Variants in CSMD1 observed in about 807,000 individuals in gnomAD.
CSMD1 encodes the protein CUB and sushi domain-containing protein 1.
A neutral mutation model predicts 417.5 loss-of-function variants in CSMD1; 213 were observed. The ratio of observed to expected loss-of-function variants is 0.51; its 90% CI spans 0.46 to 0.57. The LOEUF is 0.57. Among genes scored for constraint, CSMD1 ranks in the 20% least tolerant of loss-of-function variants. The probability of loss-of-function intolerance (pLI) is 0.00; values close to 1 mark genes in which losing one functional copy is unlikely to be tolerated. For missense variants in CSMD1, 6,923 were observed against 4,529.7 expected (o/e 1.53, Z -15.17); for synonymous variants, 2,862 against 1,736.8 (o/e 1.65, Z -16.11).
intron 50 of CSMD1, among the ~76,000 whole-genome samples, chr8:3,040,220 T>C (rs562380430): frequency 6.6e-6 from 1 of 152,160 alleles, no homozygotes; most frequent in East Asian, 1.9e-4. Flanking sequence ...ATTTCTAATA[T>C]CACCACCAAA....
intron 26 of CSMD1, among the ~76,000 whole-genome samples, chr8:3,255,447 C>G (rs540493669): frequency 6.6e-6 from 1 of 152,230 alleles, no homozygotes; most frequent in Non-Finnish European, 1.5e-5. Context: ...CTTTTGTTGT[C>G]TGTGCCCTGC....
intron 12 of CSMD1, among the ~76,000 whole-genome samples, chr8:3,432,140 A>G (rs1185713688): frequency 6.6e-6 from 1 of 152,232 alleles, no homozygotes; most frequent in African/African-American, 2.4e-5. Flanking sequence ...AAGATGACTC[A>G]GTAGATTGCT....
intron 3 of CSMD1, among the ~76,000 whole-genome samples, chr8:4,255,509 C>T (rs570848239): frequency 6.6e-6 from 1 of 152,288 alleles, no homozygotes; most frequent in South Asian, 2.1e-4. Context: ...TGTGCAATAG[C>T]AGTGGATTAA....
chr8:4,237,922 C>G (rs768557384), intron 3 of CSMD1, among the ~76,000 whole-genome samples: 1 of 152,140 alleles, frequency 6.6e-6, no homozygotes, highest in Non-Finnish European at 1.5e-5. Context: ...TGAAGCTTTC[C>G]TCTCACTGGC....
intron 17 of CSMD1, among the ~76,000 whole-genome samples, chr8:3,395,501 A>T (rs1407629324): frequency 6.6e-6 from 1 of 152,248 alleles, no homozygotes; most frequent in East Asian, 1.9e-4. Flanking sequence ...ACTTAATCTC[A>T]TCATTTCAGA....
At chr8:4,984,982 T>C (rs73497794) in intron 1 of CSMD1, among the ~76,000 whole-genome samples, 2,359 of 152,256 alleles carry the variant, frequency 0.015, 55 homozygotes, top group African/African-American at 0.054. Context: ...ACTCAGAGAT[T>C]CATCCTCTTT....
At chr8:3,010,874 G>C (rs1808333264) in intron 52 of CSMD1, among the ~76,000 whole-genome samples, 1 of 151,686 alleles carries the variant, frequency 6.6e-6, no homozygotes, top group African/African-American at 2.4e-5. Flanking sequence ...TTCCCAAGTA[G>C]CTGGGATTAC....
At position 3,866,320 on chromosome 8, in the gene CSMD1, G is replaced by A. The variant is rs955890133; in HGVS notation, c.819-112278C>T. 4.6e-5 allele frequency among the ~76,000 whole-genome samples: 7 copies of A among 152,298 alleles called. No individual in the cohort carries two copies. The South Asian group carries it at 8.3e-4, about 18-fold the overall frequency. On this transcript the variant is annotated intron_variant, in intron 5 of 69. Transcript: ENST00000635120. ...AGGAAGCTGCTGTAAAAGGCTGGCT[G>A]AACCCTGGGGATTGGCATTTCTGTC...
intron 39 of CSMD1, among the ~76,000 whole-genome samples, chr8:3,157,407 G>A (rs1438024707): frequency 6.6e-6 from 1 of 152,192 alleles, no homozygotes; most frequent in Non-Finnish European, 1.5e-5. Flanking sequence ...AAAGAAGCCG[G>A]CTGATTGTGC....
intron 1 of CSMD1, among the ~76,000 whole-genome samples, chr8:4,644,487 G>C (rs915443699): frequency 2.0e-5 from 3 of 152,210 alleles, no homozygotes; most frequent in African/African-American, 7.2e-5. Flanking sequence ...GCTCACTGCA[G>C]CCTCCACCTC....
chr8:4,472,384 G>C (rs767703871), intron 2 of CSMD1, among the ~76,000 whole-genome samples: 1 of 152,050 alleles, frequency 6.6e-6, no homozygotes, highest in South Asian at 2.1e-4. Flanking sequence ...TGTAGTAACA[G>C]TGCTTCACTG....
chr8:2,947,982 C>G (rs1802366720), intron 68 of CSMD1, among the ~76,000 whole-genome samples: 1 of 149,782 alleles, frequency 6.7e-6, no homozygotes, highest in South Asian at 2.1e-4. Flanking sequence ...ATATTCAGCA[C>G]TTTGATAAAA....
chr8:4,120,290 T>G (rs1251943461), intron 3 of CSMD1, among the ~76,000 whole-genome samples: 1 of 152,178 alleles, frequency 6.6e-6, no homozygotes, highest in African/African-American at 2.4e-5. Context: ...CACCTTTTAT[T>G]ATATATACTT....
At chr8:3,493,389 C>T (rs866062670) in intron 11 of CSMD1, among the ~76,000 whole-genome samples, 1 of 150,110 alleles carries the variant, frequency 6.7e-6, no homozygotes, top group Non-Finnish European at 1.5e-5. Flanking sequence ...TTGCCATAAA[C>T]ATATATGTTT....
rs111337754 is a variant in CSMD1 at position 3,651,384 on chromosome 8, C to T, written c.1010-34587G>A. Among the ~76,000 whole-genome samples, 14 of 152,242 alleles carry T rather than the reference C, an allele frequency of 9.2e-5. 1 individual carries two copies. Among genetic ancestry groups the T allele is most frequent in the African/African-American group, 3.4e-4 (14 of 41,544 alleles). ...AGGTCTTCTGTCTCCTCTTCATTCA[C>T]AATATGGAAGCCATGGCCCTTCATG... On this transcript the variant is annotated intron_variant, in intron 7 of 69. Coordinates refer to ENST00000635120, the MANE Select transcript of CSMD1 (RefSeq NM_033225.6).
chr8:3,412,000 A>G (rs796319007), intron 12 of CSMD1, among the ~76,000 whole-genome samples: 7 of 31,098 alleles, frequency 2.3e-4, no homozygotes, highest in South Asian at 8.5e-4. Flanking sequence ...ACGTGTATAT[A>G]CACGTATATA....
chr8:3,973,645 A>T (rs1813225644), intron 5 of CSMD1, among the ~76,000 whole-genome samples: 1 of 152,144 alleles, frequency 6.6e-6, no homozygotes, highest in Non-Finnish European at 1.5e-5. Flanking sequence ...TCATCTGTTT[A>T]CTCCCTCAAG....
chr8:4,416,206 C>T (rs1796928971), intron 3 of CSMD1, among the ~76,000 whole-genome samples: 1 of 152,128 alleles, frequency 6.6e-6, no homozygotes, highest in South Asian at 2.1e-4. Context: ...TGATTCAGAG[C>T]TGCTGCTTTC....
chr8:3,005,928 T>G (rs190634764), intron 52 of CSMD1, among the ~76,000 whole-genome samples: 1 of 151,924 alleles, frequency 6.6e-6, no homozygotes, highest in African/African-American at 2.4e-5. Context: ...CCAGGGCAAT[T>G]AGGCAGGAGA....
Sources: gnomAD v4.1 joint callset for allele counts (sites outside exome capture counted in the v4.1 genomes callset) on GRCh38, gnomAD v4.1.1 for gene constraint, MANE v1.5 for transcripts, NCBI Gene and HGNC (gene_info 2026-07-23, HGNC 2026-07-21) for gene names.